The following PTPRD variants were observed in gnomAD, a reference collection of about 807,000 sequenced individuals.
PTPRD encodes the protein receptor-type tyrosine-protein phosphatase delta.
PTPRD carries 34 observed loss-of-function variants against 214.5 expected under a neutral mutation model. The ratio of observed to expected loss-of-function variants is 0.16; its 90% CI spans 0.12 to 0.21. The LOEUF (loss-of-function observed/expected upper bound fraction) is 0.21. Among genes scored for constraint, PTPRD ranks in the 10% least tolerant of loss-of-function variants. The pLI is 1.00. For missense variants in PTPRD, 2,545 were observed against 2,398.7 expected (o/e 1.06, Z -1.27); for synonymous variants, 1,128 against 845.7 (o/e 1.33, Z -5.79).
Position 9,202,261 on chromosome 9 carries a change from A to G in PTPRD, c.-202-18898T>C, listed in dbSNP as rs529204375. ...TAACACAAATCTTATTGTCAGATCT[A>G]TTGCAGTCTTACCTTTCTACAGATT... On this transcript the variant is annotated intron_variant, in intron 9 of 45. Coordinates refer to ENST00000381196, the MANE Select transcript of PTPRD (RefSeq NM_002839.4). Among the ~76,000 whole-genome samples the G allele has an allele frequency of 1.8e-4, 28 of 152,314 alleles. No individual in the cohort carries two copies. The South Asian group carries it at 5.4e-3, about 29-fold the overall frequency.
intron 7 of PTPRD, among the ~76,000 whole-genome samples, chr9:9,684,957 G>A (rs2097142038): frequency 6.6e-6 from 1 of 151,560 alleles, no homozygotes; most frequent in Admixed American, 6.6e-5. Context: ...ATACATCACA[G>A]TTGTGTTAAG....
chr9:10,529,401 G>A (rs1318089520), intron 2 of PTPRD, among the ~76,000 whole-genome samples: 3 of 152,100 alleles, frequency 2.0e-5, no homozygotes, highest in African/African-American at 7.2e-5. Context: ...AAAAAAGAAT[G>A]AGTTCATGTT....
rs370026974 is a variant in PTPRD at position 8,761,664 on chromosome 9, C to T, written c.-103-27718G>A. Among the ~76,000 whole-genome samples the T allele has an allele frequency of 1.9e-4, 29 of 152,236 alleles. 1 individual carries two copies. In the South Asian group the frequency reaches 6.0e-3, roughly 32 times the overall value. ...ACTAATCGCTAACTGTAAAGCTCAT[C>T]TACATGGATAATTTTATAGACATCT... On this transcript the variant is annotated intron_variant, in intron 11 of 45. Coordinates refer to ENST00000381196, the MANE Select transcript of PTPRD (RefSeq NM_002839.4).
chr9:10,295,016 T>A (rs1342789115), intron 3 of PTPRD, among the ~76,000 whole-genome samples: 1 of 151,998 alleles, frequency 6.6e-6, no homozygotes, highest in African/African-American at 2.4e-5. Context: ...GTTATGGTGA[T>A]TTAATACGAC....
intron 10 of PTPRD, among the ~76,000 whole-genome samples, chr9:9,067,780 T>C (rs2099737212): frequency 6.6e-6 from 1 of 152,222 alleles, no homozygotes; most frequent in Non-Finnish European, 1.5e-5. Context: ...AATATTGACA[T>C]CAATACAATC....
At chr9:9,702,015 G>T (rs1276827967) in intron 7 of PTPRD, among the ~76,000 whole-genome samples, 1 of 152,076 alleles carries the variant, frequency 6.6e-6, no homozygotes, top group Non-Finnish European at 1.5e-5. Flanking sequence ...ACTACTAGGG[G>T]TAGCTGAGGC....
At chr9:9,716,740 C>T (rs1483129849) in intron 7 of PTPRD, among the ~76,000 whole-genome samples, 1 of 151,932 alleles carries the variant, frequency 6.6e-6, no homozygotes, top group African/African-American at 2.4e-5. Flanking sequence ...CTTGTAGATT[C>T]TGGATATTAG....
chr9:8,759,808 G>A (rs2094292259), intron 11 of PTPRD, among the ~76,000 whole-genome samples: 1 of 152,052 alleles, frequency 6.6e-6, no homozygotes, highest in Non-Finnish European at 1.5e-5. Context: ...TGAGAAAAGT[G>A]GTTCTTCTCT....
intron 8 of PTPRD, among the ~76,000 whole-genome samples, chr9:9,426,581 G>C (rs2081022436): frequency 6.6e-6 from 1 of 152,144 alleles, no homozygotes; most frequent in African/African-American, 2.4e-5. Context: ...CACGGAGTTT[G>C]AGATCTGAGA....
chr9:8,789,299 G>A (rs894615570), intron 11 of PTPRD, among the ~76,000 whole-genome samples: 3 of 152,184 alleles, frequency 2.0e-5, no homozygotes, highest in East Asian at 1.9e-4. Context: ...TTGGCACAGA[G>A]GTGGTTGTCT....
At chr9:9,314,685 G>T (rs922517199) in intron 9 of PTPRD, among the ~76,000 whole-genome samples, 10 of 152,034 alleles carry the variant, frequency 6.6e-5, no homozygotes, top group African/African-American at 2.4e-4. Flanking sequence ...AATGCAATGG[G>T]ATTGAAATAC....
intron 21 of PTPRD, among the ~76,000 whole-genome samples, chr9:8,508,693 C>G (rs2097591763): frequency 6.6e-6 from 1 of 151,956 alleles, no homozygotes; most frequent in African/African-American, 2.4e-5. Flanking sequence ...ACATATAATA[C>G]AGTATAATTT....
chr9:9,844,445 G>C (rs75528489), intron 5 of PTPRD, among the ~76,000 whole-genome samples: 4,542 of 151,902 alleles, frequency 0.03, 86 homozygotes, highest in Middle Eastern at 0.068. Flanking sequence ...GCTGAGGTGT[G>C]GGGTAAATGA....
chr9:9,777,689 T>C (rs1222728900), intron 5 of PTPRD, among the ~76,000 whole-genome samples: 1 of 152,168 alleles, frequency 6.6e-6, no homozygotes, highest in Non-Finnish European at 1.5e-5. Flanking sequence ...AGAGTGAGCC[T>C]CTATCTCAAC....
intron 3 of PTPRD, among the ~76,000 whole-genome samples, chr9:10,234,429 G>A (rs1424536226): frequency 2.0e-5 from 3 of 151,460 alleles, no homozygotes; most frequent in African/African-American, 4.8e-5. Context: ...CTAAACTATC[G>A]CATGACATAT....
intron 6 of PTPRD, among the ~76,000 whole-genome samples, chr9:9,748,130 G>T (rs2098476727): frequency 6.6e-6 from 1 of 152,156 alleles, no homozygotes; most frequent in Non-Finnish European, 1.5e-5. Context: ...GTGAATCACT[G>T]GTTCACTGCT....
chr9:8,327,091 C>T (rs11532964), intron 44 of PTPRD, among the ~76,000 whole-genome samples: 13,567 of 148,722 alleles, frequency 0.091, no homozygotes, highest in African/African-American at 0.12. Flanking sequence ...AATTTGTTTG[C>T]TCTTGTTACT....
At chr9:8,567,744 G>C (rs993220401) in intron 14 of PTPRD, among the ~76,000 whole-genome samples, 4 of 152,004 alleles carry the variant, frequency 2.6e-5, no homozygotes, top group Non-Finnish European at 5.9e-5. Flanking sequence ...ACAACCTTTA[G>C]GCTGGAAGTA....
intron 43 of PTPRD, 122 bp from the exon 44 acceptor site, chr9:8,331,858 G>C (rs1841560442): frequency 5.8e-6 from 7 of 1,201,158 alleles, no homozygotes; most frequent in African/African-American, 1.5e-5. Context: ...AAAAAGTTAG[G>C]AACATGTTTA....
Sources: gnomAD v4.1 joint callset for allele counts (sites outside exome capture counted in the v4.1 genomes callset) on GRCh38, gnomAD v4.1.1 for gene constraint, MANE v1.5 for transcripts, NCBI Gene and HGNC (gene_info 2026-07-23, HGNC 2026-07-21) for gene names.